Variants in DDX3X observed in about 807,000 individuals in gnomAD.
DDX3X encodes the protein ATP-dependent RNA helicase DDX3X.
DDX3X carries 4 observed loss-of-function variants against 52.7 expected under a neutral mutation model. That is an observed-to-expected ratio of 0.08 (90% CI 0.04 to 0.17). DDX3X has a LOEUF of 0.17. DDX3X is among the 10% of genes least tolerant of loss of function. The pLI is 1.00. For synonymous variants in DDX3X, 192 were observed against 178.1 expected, an observed-to-expected ratio of 1.08 and a Z score of -0.62; for missense variants, 222 against 548.6, an observed-to-expected ratio of 0.40 and a Z score of 5.95.
chrX:41,337,642 CTT>C lies in DDX3X; in HGVS notation c.103+192_103+193del, dbSNP rs5902274. On this transcript the variant is annotated intron_variant, in intron 2 of 16. Transcript: ENST00000644876. ...AGTGATCAATCTAAAGCATCGTTGC[CTT>C]TTTTTTTTTTTTTTGGTTGAGATGG... 0.18 allele frequency: 47,268 copies of C among 265,240 alleles called. 1,960 individuals carry two copies. The highest frequency in any genetic ancestry group is 0.36 in the African/African-American group (10,792 of 30,077). 21.9% of individuals were successfully genotyped at this position (265,240 alleles called of 1,213,427 possible). A position where few individuals can be genotyped will look rare whatever the true frequency, so the allele number is the denominator to read the frequency against.
At chrX:41,357,771 A>G (rs2064014773) in intron 5 of DDX3X, 3 of 292,305 alleles carry the variant, frequency 1.0e-5, no homozygotes, top group Non-Finnish European at 1.8e-5. Context: ...TGGAATATCC[A>G]ACCAACAGTA....
chrX:41,350,508 CTT>C (rs1462255271), downstream of DDX3X: 1 of 111,644 alleles, frequency 9.0e-6, no homozygotes, highest in African/African-American at 3.3e-5. Context: ...GTGGGAGTCT[CTT>C]TGTTCTTTGA....
chrX:41,359,931 G>A (rs1226799139), intron 5 of DDX3X, among the ~76,000 whole-genome samples: 6 of 108,675 alleles, frequency 5.5e-5, no homozygotes, highest in Non-Finnish European at 9.6e-5. Flanking sequence ...GCAGTGAGCC[G>A]AGATCGCGCC....
chrX:41,333,955 G>C (rs1452011893), upstream of DDX3X: 1 of 266,917 alleles, frequency 3.7e-6, no homozygotes, highest in Non-Finnish European at 6.7e-6. Context: ...ACAGCATTTC[G>C]CACCCTAAGC....
Position 41,341,590 on chromosome X carries a change from T to C in DDX3X, c.258T>C (p.Ser86=). The change falls in exon 4 of 17, where the codon AGT becomes AGC. Residue 86 remains serine, a synonymous_variant. Transcript: ENST00000644876. ...CAAGAGGGAAGTCTAGCTTCTTCAGTGATCGTGGAAGTGGATCAAGGGGAA... is the reference window on the plus strand; with the variant it reads ...CAAGAGGGAAGTCTAGCTTCTTCAGCGATCGTGGAAGTGGATCAAGGGGAA... The part of the protein sequence containing the change: ...SDSRGKSSFF[S]DRGSGSRGRF... The C allele has an allele frequency of 8.3e-7, 1 of 1,211,479 alleles. No individual in the cohort carries two copies. The highest frequency in any genetic ancestry group is 1.8e-5 in the South Asian group (1 of 57,000).
In DDX3X at chrX:41,342,505, C is replaced by T. The variant is rs1479548397; in HGVS notation, c.295C>T (p.Arg99Cys). 8.3e-7 allele frequency: 1 copy of T among 1,211,080 alleles called. No homozygotes were observed. Among genetic ancestry groups the T allele is most frequent in the Admixed American group, 2.2e-5 (1 of 45,959 alleles). The change falls in exon 5 of 17, where the codon CGT becomes TGT. Residue 99 changes from arginine to cysteine, a missense_variant. Arg to Cys is a radical substitution (Grantham distance 180, BLOSUM62 -3). Coordinates refer to ENST00000644876, the MANE Select transcript of DDX3X (RefSeq NM_001356.5). ...GSGSRGRFDD[R>C]GRSDYDGIGS... ...GCTTGTGCTGTTCAGGTTTGATGATCGTGGACGGAGTGATTACGATGGCAT... is the reference window on the plus strand; with the variant it reads ...GCTTGTGCTGTTCAGGTTTGATGATTGTGGACGGAGTGATTACGATGGCAT...
rs2063891365 is a variant in DDX3X, at chrX:41,344,221, CA to C, written c.865-17del. On this transcript the variant is annotated splice_polypyrimidine_tract_variant and intron_variant, in intron 9 of 16. Transcript: ENST00000644876. The stretch of plus-strand genomic sequence containing the variant: ...AAAATTTTGACCTTGAAGTTCATAA[CA>C]TTTTTTTTGCTTATAGTTTTCATAC... 12 of 1,200,857 alleles carry C rather than the reference CA, an allele frequency of 1.0e-5. No individual in the cohort carries two copies. Among genetic ancestry groups the C allele is most frequent in the South Asian group, 1.8e-5 (1 of 55,159 alleles).
intron 5 of DDX3X, chrX:41,357,754 G>T (rs1245594955): frequency 7.0e-6 from 2 of 287,036 alleles, no homozygotes; most frequent in African/African-American, 5.5e-5. Flanking sequence ...TTTTTATGTT[G>T]TGAACTTGGA....
Position 41,346,379 on chromosome X carries a change from C to T in DDX3X, c.1466C>T (p.Ser489Leu). 3 of 1,210,285 alleles carry T rather than the reference C, an allele frequency of 2.5e-6. No individual in the cohort carries two copies. Among genetic ancestry groups the T allele is most frequent in the Non-Finnish European group, 3.4e-6 (3 of 895,063 alleles). Residue 489 changes from serine to leucine, a missense_variant, in exon 13 of 17, where the codon TCA (serine) becomes TTA (leucine). Ser to Leu is a moderately radical substitution (Grantham distance 145, BLOSUM62 -2). Around this residue, in one of 5 missense-constraint regions of DDX3X, gnomAD observed 73 missense variants for 301.4 expected, o/e 0.24. Coordinates refer to ENST00000644876, the MANE Select transcript of DDX3X (RefSeq NM_001356.5). ...DREEALHQFR[S>L]GKSPILVATA... ...GAAGAGGCCCTTCACCAGTTCCGCTCAGGAAAAAGCCCAATTTTAGTGGCT... is the reference window on the plus strand; with the variant it reads ...GAAGAGGCCCTTCACCAGTTCCGCTTAGGAAAAAGCCCAATTTTAGTGGCT...
chrX:41,339,134 G>T (rs200507747), intron 3 of DDX3X, 51 bp downstream of exon 3: 387 of 745,967 alleles, frequency 5.2e-4, no homozygotes, highest in South Asian at 9.0e-4. Flanking sequence ...TCCTTTAGAA[G>T]TTAGTAAAGC....
chrX:41,342,899 A>G, intron 6 of DDX3X, 63 bp downstream of exon 6: 1 of 938,733 alleles, frequency 1.1e-6, no homozygotes, highest in Non-Finnish European at 1.5e-6. Context: ...GTTACATTAG[A>G]ATGTGAGATG....
At chrX:41,350,769 CAG>C (rs764061487), downstream of DDX3X, 1 of 111,746 alleles carries the variant, frequency 8.9e-6, no homozygotes, top group Admixed American at 9.6e-5. Flanking sequence ...TCTCTGAAAA[CAG>C]GTAATAAGAC....
chrX:41,347,329 G>T lies in DDX3X; in HGVS notation c.1787G>T (p.Gly596Val). Reference sequence around the variant, plus strand: ...TCTTATAGTAGCAGATTTAGTGGAGGGTTTGGTGCCAGAGACTACCGACAA... The same window carrying T: ...TCTTATAGTAGCAGATTTAGTGGAGTGTTTGGTGCCAGAGACTACCGACAA... Reference protein sequence around the residue: ...GRSKSSRFSGGFGARDYRQSS... With the variant: ...GRSKSSRFSGVFGARDYRQSS... Residue 596 changes from glycine to valine, a missense_variant, in exon 16 of 17, where the codon GGG becomes GTG. Physicochemically the swap from Gly to Val is moderately radical, Grantham distance 109. Coordinates refer to ENST00000644876, the MANE Select transcript of DDX3X (RefSeq NM_001356.5). 1 of 1,208,970 alleles carries T rather than the reference G, an allele frequency of 8.3e-7. No individual in the cohort carries two copies. The highest frequency in any genetic ancestry group is 1.1e-6 in the Non-Finnish European group (1 of 894,004).
intron 3 of DDX3X, chrX:41,339,550 T>C (rs2063818096): frequency 8.9e-6 from 1 of 112,569 alleles, no homozygotes; most frequent in East Asian, 2.8e-4. Context: ...CCTTGCTGCT[T>C]TTGAAAGGTT....
chrX:41,345,811 T>TA (rs1426109771), intron 12 of DDX3X: 2 of 295,736 alleles, frequency 6.8e-6, no homozygotes, highest in Non-Finnish European at 1.2e-5. Flanking sequence ...CTCCTAGACT[T>TA]AGACAATCCT....
At chrX:41,338,874 A>C in intron 2 of DDX3X, 162 bp from the exon 3 acceptor site, 1 of 191,037 alleles carries the variant, frequency 5.2e-6, no homozygotes. Flanking sequence ...TAACCCATTT[A>C]AAATTAGATT....
downstream of DDX3X, among the ~76,000 whole-genome samples, chrX:41,352,527 G>C (rs1032109417): frequency 1.8e-5 from 2 of 111,335 alleles, no homozygotes; most frequent in Non-Finnish European, 3.8e-5. Flanking sequence ...GGATCTTTCA[G>C]TGCAAGGCGA....
intron 5 of DDX3X, chrX:41,357,927 A>G (rs1349355625): frequency 3.4e-6 from 1 of 294,198 alleles, no homozygotes; most frequent in African/African-American, 2.8e-5. Flanking sequence ...GCATGTAGTC[A>G]TGGCAGCCTT....
At chrX:41,335,420 T>G (rs1037465165) in intron 1 of DDX3X, 3 of 107,783 alleles carry the variant, frequency 2.8e-5, no homozygotes, top group Admixed American at 1.0e-4. Context: ...TTTTTTCTCT[T>G]AGCCAGAATC....
Sources: allele counts gnomAD v4.1 joint callset (sites outside exome capture counted in the v4.1 genomes callset), GRCh38; gene constraint gnomAD v4.1.1; regional missense constraint gnomAD v4.1.1; transcripts MANE v1.5; gene names NCBI Gene and HGNC (gene_info 2026-07-23, HGNC 2026-07-21).